Variants in SPATS2 observed in about 807,000 individuals in gnomAD.
The protein encoded by SPATS2 is spermatogenesis-associated serine-rich protein 2.
In SPATS2, 38 loss-of-function variants were observed where a neutral mutation model predicts 63.7. The observed-to-expected ratio is 0.60, with a 90% confidence interval of 0.46 to 0.78. The LOEUF (loss-of-function observed/expected upper bound fraction) is 0.78, where lower values mean the gene tolerates loss of function less well. SPATS2 is among the 30% of genes least tolerant of loss of function. The probability of loss-of-function intolerance (pLI) is 0.00; values close to 1 mark genes in which losing one functional copy is unlikely to be tolerated. For missense variants in SPATS2, 588 were observed against 666.2 expected (o/e 0.88, Z 1.29); for synonymous variants, 207 against 232.9 (o/e 0.89, Z 1.01).
chr12:49,466,975 A>G (rs933739335), intron 3 of SPATS2, among the ~76,000 whole-genome samples: 7 of 151,320 alleles, frequency 4.6e-5, no homozygotes, highest in Admixed American at 6.6e-5. Flanking sequence ...TCTCTCAGCA[A>G]TGGTTTACAG....
At chr12:49,372,501 A>G (rs757506726) in intron 2 of SPATS2, among the ~76,000 whole-genome samples, 11 of 152,344 alleles carry the variant, frequency 7.2e-5, no homozygotes, top group South Asian at 4.1e-4. Flanking sequence ...CATGTATCCA[A>G]TGTGGAAGGA....
intron 2 of SPATS2, among the ~76,000 whole-genome samples, chr12:49,455,517 C>A (rs904014852): frequency 6.6e-6 from 1 of 152,198 alleles, no homozygotes; most frequent in African/African-American, 2.4e-5. Context: ...AAGCAGTGCC[C>A]CCACCTTAGC....
intron 6 of SPATS2, 29 bp from the exon 7 acceptor site, chr12:49,494,712 T>C: frequency 6.7e-7 from 1 of 1,482,732 alleles, no homozygotes; most frequent in Non-Finnish European, 9.0e-7. Flanking sequence ...TTTCTTTTCT[T>C]TTCTTTTTCA....
chr12:49,378,705 C>T (rs1245714226), intron 2 of SPATS2, among the ~76,000 whole-genome samples: 1 of 152,126 alleles, frequency 6.6e-6, no homozygotes, highest in Non-Finnish European at 1.5e-5. Context: ...AGGCAATCCC[C>T]TTGCCTCTGT....
chr12:49,416,179 C>G (rs1238254685), intron 2 of SPATS2, among the ~76,000 whole-genome samples: 1 of 152,066 alleles, frequency 6.6e-6, no homozygotes, highest in African/African-American at 2.4e-5. Flanking sequence ...CTTGGCTAGG[C>G]AGATCTTTTT....
intron 9 of SPATS2, among the ~76,000 whole-genome samples, chr12:49,505,019 C>T (rs1242331022): frequency 1.3e-5 from 2 of 151,742 alleles, no homozygotes; most frequent in South Asian, 2.1e-4. Flanking sequence ...CTGCTTCAGC[C>T]TCCCAGAGTG....
chr12:49,399,152 A>C (rs1944562748), intron 2 of SPATS2, among the ~76,000 whole-genome samples: 1 of 151,106 alleles, frequency 6.6e-6, no homozygotes, highest in Non-Finnish European at 1.5e-5. Flanking sequence ...AGAGCATATA[A>C]TTCTTTTTTT....
intron 2 of SPATS2, among the ~76,000 whole-genome samples, chr12:49,375,296 A>G (rs767106003): frequency 1.4e-4 from 22 of 152,160 alleles, no homozygotes; most frequent in Non-Finnish European, 2.6e-4. Context: ...CAGGATAGAT[A>G]AGTAAATATC....
At chr12:49,521,659 G>T (rs902666634) in intron 11 of SPATS2, among the ~76,000 whole-genome samples, 1 of 151,962 alleles carries the variant, frequency 6.6e-6, no homozygotes, top group Non-Finnish European at 1.5e-5. Context: ...ACTGAAGTGG[G>T]TGCTGTGCAA....
At chr12:49,367,840 T>TG (rs1046199095) in intron 1 of SPATS2, among the ~76,000 whole-genome samples, 4 of 132,868 alleles carry the variant, frequency 3.0e-5, no homozygotes, top group Admixed American at 7.7e-5. Context: ...CAATGGAGTG[T>TG]GGGGGGGACT....
At chr12:49,410,879 T>C (rs1184798902) in intron 2 of SPATS2, among the ~76,000 whole-genome samples, 3 of 152,184 alleles carry the variant, frequency 2.0e-5, no homozygotes, top group South Asian at 4.2e-4. Context: ...CTATCAAATA[T>C]CTATTCTTTA....
At chr12:49,451,217 G>A (rs1344838591) in intron 2 of SPATS2, among the ~76,000 whole-genome samples, 3 of 151,964 alleles carry the variant, frequency 2.0e-5, no homozygotes, top group East Asian at 1.9e-4. Context: ...CTGTTTGTTT[G>A]TACCTCTTTT....
chr12:49,386,995 A>G (rs7296220), intron 2 of SPATS2: 13,999 of 152,190 alleles, frequency 0.092, 749 homozygotes, highest in African/African-American at 0.14. Context: ...ACAGTAAGCC[A>G]GGTATTGGGT....
rs555399055 is a variant in SPATS2, at chr12:49,437,460, T to TG, written c.-243-23304dup. Among the ~76,000 whole-genome samples the TG allele has an allele frequency of 2.7e-3, 416 of 152,214 alleles. 3 individuals carry two copies. Among genetic ancestry groups the TG allele is most frequent in the African/African-American group, 9.2e-3 (384 of 41,522 alleles). Reference sequence around the variant, plus strand: ...GGCAGAGGCTGCAATCTCAGCACTTTGGGGGGCCAAGGCAGGCAGCTGGGA... The same window carrying TG: ...GGCAGAGGCTGCAATCTCAGCACTTTGGGGGGGCCAAGGCAGGCAGCTGGGA... On this transcript the variant is annotated intron_variant, in intron 2 of 13. Transcript: ENST00000552918.
Position 49,526,457 on chromosome 12 carries a change from T to A in SPATS2, c.*202T>A, listed in dbSNP as rs1947037804. The A allele has an allele frequency of 9.3e-6, 6 of 646,240 alleles. No individual in the cohort carries two copies. Among genetic ancestry groups the A allele is most frequent in the Admixed American group, 3.2e-5 (1 of 30,904 alleles). 40.0% of individuals were successfully genotyped at this position (646,240 alleles called of 1,614,324 possible). On this transcript the variant is annotated 3_prime_UTR_variant, in exon 14 of 14. Transcript: ENST00000552918. ...GGAAGCTATTTTTTTTCCTTGATCT[T>A]TCCCAGTGATATGGATTGAATCTGG...
chr12:49,426,413 G>C (rs989564475), intron 2 of SPATS2, among the ~76,000 whole-genome samples: 1 of 152,122 alleles, frequency 6.6e-6, no homozygotes, highest in African/African-American at 2.4e-5. Flanking sequence ...CAATAGATGA[G>C]ATTTGTTCGA....
chr12:49,465,780 C>T (rs1490566157), intron 3 of SPATS2, among the ~76,000 whole-genome samples: 6 of 152,100 alleles, frequency 3.9e-5, no homozygotes, highest in Non-Finnish European at 8.8e-5. Flanking sequence ...CCTGTCTCTA[C>T]TAAAAATACA....
intron 2 of SPATS2, among the ~76,000 whole-genome samples, chr12:49,414,321 T>TC (rs1411840241): frequency 6.6e-6 from 1 of 152,188 alleles, no homozygotes; most frequent in Non-Finnish European, 1.5e-5. Flanking sequence ...CCTTTAGAAT[T>TC]CTTAGAAGGC....
chr12:49,424,878 C>T (rs1453229980), intron 2 of SPATS2, among the ~76,000 whole-genome samples: 1 of 152,136 alleles, frequency 6.6e-6, no homozygotes, highest in Non-Finnish European at 1.5e-5. Context: ...TGGGGTTTCG[C>T]CGTGTTGGCC....
Sources: gnomAD v4.1 joint callset for allele counts (sites outside exome capture counted in the v4.1 genomes callset) on GRCh38, gnomAD v4.1.1 for gene constraint, MANE v1.5 for transcripts, NCBI Gene and HGNC (gene_info 2026-07-23, HGNC 2026-07-21) for gene names.